Variants in RTTN observed in about 807,000 individuals in gnomAD.
RTTN encodes the protein rotatin.
RTTN carries 182 observed loss-of-function variants against 269.2 expected under a neutral mutation model. That is an observed-to-expected ratio of 0.68 (90% CI 0.60 to 0.76). The LOEUF (loss-of-function observed/expected upper bound fraction) is 0.76. RTTN is among the 30% of genes least tolerant of loss of function. RTTN has a pLI of 0.00. For missense variants in RTTN, 2,545 were observed against 2,608.6 expected (o/e 0.98, Z 0.53); for synonymous variants, 1,006 against 963.5 (o/e 1.04, Z -0.82).
chr18:70,195,054 TC>T (rs2061771131), intron 7 of RTTN, among the ~76,000 whole-genome samples: 1 of 152,154 alleles, frequency 6.6e-6, no homozygotes, highest in African/African-American at 2.4e-5. Context: ...TCACTACACT[TC>T]AAAGAAAATA....
chr18:70,170,922 A>T (rs1243560051), intron 11 of RTTN, among the ~76,000 whole-genome samples: 2 of 152,174 alleles, frequency 1.3e-5, no homozygotes, highest in African/African-American at 4.8e-5. Context: ...GGCTGACTCT[A>T]AGGTTTTTGC....
chr18:70,136,955 T>C (rs1368172116), intron 21 of RTTN, among the ~76,000 whole-genome samples: 1 of 152,118 alleles, frequency 6.6e-6, no homozygotes, highest in Non-Finnish European at 1.5e-5. Flanking sequence ...TAGAAAGATA[T>C]TCAAGTTACA....
At chr18:70,133,941 C>G (rs185162213) in intron 23 of RTTN, among the ~76,000 whole-genome samples, 12 of 152,192 alleles carry the variant, frequency 7.9e-5, no homozygotes, top group Admixed American at 7.2e-4. Context: ...TTATTGCATT[C>G]TGAAAAAATA....
Position 70,092,704 on chromosome 18 carries a change from T to C in RTTN, c.4004A>G (p.His1335Arg). Residue 1335 changes from histidine (H) to arginine (R), a missense_variant, in exon 29 of 49, where the codon CAT becomes CGT. By Grantham distance (29) the His-to-Arg change is conservative (BLOSUM62 0). Transcript: ENST00000640769. ...STILCLLHLSHEMMAQAGSLE... is the reference protein window; with the variant it reads ...STILCLLHLSREMMAQAGSLE... ...GCTCCCAGCCTGGGCCATCATCTCA[T>C]GGGATAAGTGAAGCAAGCAAAGAAT... 1 of 1,613,478 alleles carries C rather than the reference T, an allele frequency of 6.2e-7. No homozygotes were observed. Among genetic ancestry groups the C allele is most frequent in the Admixed American group, 1.7e-5 (1 of 60,000 alleles).
At position 70,164,837 on chromosome 18, in the gene RTTN, T is replaced by C. The variant is rs2060943852; in HGVS notation, c.1929+1225A>G. Among the ~76,000 whole-genome samples, 2 of 151,926 alleles carry C rather than the reference T, an allele frequency of 1.3e-5. 1 individual carries two copies. Among genetic ancestry groups the C allele is most frequent in the Admixed American group, 1.3e-4 (2 of 15,258 alleles). Reference sequence around the variant, plus strand: ...AGCGAAAAGTCCTAAGCAAGATAAATGGAAAATCATGTATGCATGGAGACA... The same window carrying C: ...AGCGAAAAGTCCTAAGCAAGATAAACGGAAAATCATGTATGCATGGAGACA... On this transcript the variant is annotated intron_variant, in intron 14 of 48. Coordinates refer to ENST00000640769, the MANE Select transcript of RTTN (RefSeq NM_173630.4).
chr18:70,189,883 T>C (rs901536767), intron 9 of RTTN, among the ~76,000 whole-genome samples: 8 of 152,202 alleles, frequency 5.3e-5, no homozygotes, highest in African/African-American at 1.9e-4. Flanking sequence ...TTCAGTACAA[T>C]TACAATTAAA....
At chr18:70,196,732 C>A in intron 6 of RTTN, 84 bp from the exon 7 acceptor site, 3 of 1,305,716 alleles carry the variant, frequency 2.3e-6, no homozygotes, top group South Asian at 1.4e-5. Flanking sequence ...AGTAAGTAAG[C>A]CTAAGTGAAT....
chr18:70,205,413 A>G, intron 1 of RTTN, 98 bp from the exon 2 acceptor site: 2 of 1,501,434 alleles, frequency 1.3e-6, no homozygotes, highest in Non-Finnish European at 1.8e-6. Context: ...GGAATAAACC[A>G]GTTTTTTTCA....
At chr18:70,120,713 G>A (rs1355919749) in intron 26 of RTTN, among the ~76,000 whole-genome samples, 1 of 152,106 alleles carries the variant, frequency 6.6e-6, no homozygotes, top group Non-Finnish European at 1.5e-5. Flanking sequence ...ACGCTTCTTA[G>A]AATAAGAAAT....
rs1189389300 is a variant in RTTN, at chr18:70,110,237, A to T, written c.3684-520T>A. Among the ~76,000 whole-genome samples the T allele has an allele frequency of 6.6e-3, 883 of 133,040 alleles. 5 individuals are homozygous for T. Among genetic ancestry groups the T allele is most frequent in the African/African-American group, 0.021 (788 of 36,868 alleles). The allele number at this position is 133,040 out of a possible 152,430, so 87.3% of individuals were successfully genotyped here. A position where few individuals can be genotyped will look rare whatever the true frequency, so the allele number is the denominator to read the frequency against. On this transcript the variant is annotated intron_variant, in intron 27 of 48. Transcript: ENST00000640769. ...CATAGTGAGACCCCCATCCCTTTTT[A>T]AAAAAAAAAAAAAAAAGGTTGGGGG...
At chr18:70,004,522 T>C (rs1440734118) in intron 48 of RTTN, among the ~76,000 whole-genome samples, 1 of 152,172 alleles carries the variant, frequency 6.6e-6, no homozygotes, top group Non-Finnish European at 1.5e-5. Context: ...CATTAATCTT[T>C]TTTTATGTAC....
chr18:70,021,906 C>T (rs2056715989), intron 44 of RTTN, among the ~76,000 whole-genome samples: 1 of 152,122 alleles, frequency 6.6e-6, no homozygotes, highest in Admixed American at 6.5e-5. Context: ...GAGTTCCAGT[C>T]CCTTCTCTGT....
At chr18:70,200,942 C>T (rs2061929393) in intron 4 of RTTN, among the ~76,000 whole-genome samples, 1 of 152,078 alleles carries the variant, frequency 6.6e-6, no homozygotes, top group Non-Finnish European at 1.5e-5. Context: ...TTGTTCCAGA[C>T]ACTGAAAATA....
At position 70,063,753 on chromosome 18, in the gene RTTN, C is replaced by T. The variant is rs1656150; in HGVS notation, c.4747+2076G>A. ...TTTTTGAATTTTTCTGTAAAGAGAG[C>T]TAGTTCAGAATATAAATTGATACAT... On this transcript the variant is annotated intron_variant, in intron 35 of 48. Transcript: ENST00000640769. 7.3e-3 allele frequency among the ~76,000 whole-genome samples: 1,108 copies of T among 152,030 alleles called. 12 individuals carry two copies. Among genetic ancestry groups the T allele is most frequent in the African/African-American group, 0.026 (1,064 of 41,462 alleles).
At chr18:70,020,546 A>T (rs2056672288) in intron 45 of RTTN, 69 bp downstream of exon 45, 3 of 1,342,104 alleles carry the variant, frequency 2.2e-6, no homozygotes, top group Non-Finnish European at 3.1e-6. Flanking sequence ...ATTGAGTTGT[A>T]AACTTTTGAT....
chr18:70,154,545 A>AC (rs1020359077), intron 14 of RTTN, among the ~76,000 whole-genome samples: 20 of 152,022 alleles, frequency 1.3e-4, no homozygotes, highest in Admixed American at 6.6e-5. Context: ...ATAACTGAGG[A>AC]CCCCTTCTCT....
chr18:70,032,964 A>ATT (rs2057060778), intron 40 of RTTN, among the ~76,000 whole-genome samples: 1 of 152,168 alleles, frequency 6.6e-6, no homozygotes, highest in African/African-American at 2.4e-5. Context: ...AAAAATCAAA[A>ATT]TTGTACTGAT....
intron 34 of RTTN, among the ~76,000 whole-genome samples, chr18:70,069,208 CA>C (rs1055899828): frequency 4.3e-5 from 6 of 140,904 alleles, no homozygotes; most frequent in Admixed American, 7.1e-5. Flanking sequence ...GTTCTCACCA[CA>C]AAAAAAAAAG....
intron 26 of RTTN, 111 bp from the exon 27 acceptor site, chr18:70,114,710 G>T: frequency 1.3e-6 from 1 of 764,080 alleles, no homozygotes; most frequent in Non-Finnish European, 2.0e-6. Flanking sequence ...TACCTAACTA[G>T]TAGGTGTGGG....
Sources: allele counts gnomAD v4.1 joint callset (sites outside exome capture counted in the v4.1 genomes callset), GRCh38; gene constraint gnomAD v4.1.1; transcripts MANE v1.5; gene names NCBI Gene and HGNC (gene_info 2026-07-23, HGNC 2026-07-21).